Variants in BAG4 observed in about 807,000 individuals in gnomAD.
BAG4 encodes BAG family molecular chaperone regulator 4.
Under a neutral mutation model 52.1 loss-of-function variants are expected in BAG4, and 28 were observed. That is an observed-to-expected ratio of 0.54 (90% confidence interval 0.40 to 0.74). BAG4 has a LOEUF of 0.74. BAG4 is among the 30% of genes least tolerant of loss of function. The pLI, the probability that BAG4 is intolerant of heterozygous loss-of-function variation, is 0.00. For synonymous variants in BAG4, 208 were observed against 217.0 expected (o/e 0.96, Z 0.37); for missense variants, 525 against 572.0 (o/e 0.92, Z 0.84).
intron 1 of BAG4, among the ~76,000 whole-genome samples, chr8:38,183,155 C>A (rs780826154): frequency 1.3e-5 from 2 of 151,626 alleles, no homozygotes; most frequent in Non-Finnish European, 2.9e-5. Context: ...TGCCATTCTC[C>A]CACTTCAGCC....
In BAG4 at chr8:38,176,952, T is replaced by C. The variant is rs1430434762; in HGVS notation, c.83T>C (p.Val28Ala). The C allele has an allele frequency of 4.5e-6, 7 of 1,560,996 alleles. No individual in the cohort carries two copies. The highest frequency in any genetic ancestry group is 6.1e-6 in the Non-Finnish European group (7 of 1,153,046). ...TACTACGGGCCTGGGGGTGGAGATG[T>C]GCCGGTACACCCACCTCCACCCTTA... ...GRYYGPGGGD[V>A]PVHPPPPLYP... The change falls in exon 1 of 5, where the codon GTG (valine) becomes GCG (alanine). Residue 28 changes from valine to alanine, a missense_variant. Physicochemically the swap from Val to Ala is moderately conservative, Grantham distance 64 (BLOSUM62 0). This residue lies in a region of BAG4 where 287 missense variants were observed against 266.1 expected (regional missense o/e 1.08). Coordinates refer to ENST00000287322, the MANE Select transcript of BAG4 (RefSeq NM_004874.4).
At chr8:38,196,383 G>T (rs1393918152) in intron 2 of BAG4, among the ~76,000 whole-genome samples, 2 of 152,184 alleles carry the variant, frequency 1.3e-5, no homozygotes, top group African/African-American at 2.4e-5. Flanking sequence ...GCCGGGCGCG[G>T]TGGCTCACGC....
At chr8:38,179,595 G>C (rs904526557) in intron 1 of BAG4, among the ~76,000 whole-genome samples, 4 of 151,334 alleles carry the variant, frequency 2.6e-5, no homozygotes, top group Admixed American at 2.0e-4. Context: ...GCAAAACCCC[G>C]TCTCTACTAA....
At chr8:38,196,337 A>T (rs1045549535) in intron 2 of BAG4, among the ~76,000 whole-genome samples, 2 of 152,052 alleles carry the variant, frequency 1.3e-5, no homozygotes, top group Admixed American at 1.3e-4. Context: ...CCACATCCTT[A>T]CCAATACTTA....
At chr8:38,193,440 AC>A (rs1803509623) in intron 2 of BAG4, among the ~76,000 whole-genome samples, 1 of 151,794 alleles carries the variant, frequency 6.6e-6, no homozygotes, top group Non-Finnish European at 1.5e-5. Context: ...AAACAAAAAA[AC>A]CCCACGAAAA....
chr8:38,198,410 C>CTT (rs1374104098), intron 2 of BAG4, among the ~76,000 whole-genome samples: 5 of 135,494 alleles, frequency 3.7e-5, no homozygotes, highest in Non-Finnish European at 8.0e-5. Context: ...AGTTTTCTTT[C>CTT]TTTTTTTTTT....
At chr8:38,185,936 G>T (rs1286939478) in intron 1 of BAG4, among the ~76,000 whole-genome samples, 1 of 152,164 alleles carries the variant, frequency 6.6e-6, no homozygotes, top group Non-Finnish European at 1.5e-5. Context: ...TGAACTAAAA[G>T]CTCCTCCATC....
At chr8:38,178,685 C>CGT (rs1383571675) in intron 1 of BAG4, among the ~76,000 whole-genome samples, 1 of 152,214 alleles carries the variant, frequency 6.6e-6, no homozygotes, top group East Asian at 1.9e-4. Flanking sequence ...CATCACACTA[C>CGT]GTGAGCTAAG....
chr8:38,202,254 T>G (rs1803691578), intron 2 of BAG4: 1 of 152,172 alleles, frequency 6.6e-6, no homozygotes, highest in Non-Finnish European at 1.5e-5. Flanking sequence ...CTTAAGTCCT[T>G]CTTTTTCCTT....
At chr8:38,187,586 G>A (rs1204395710) in intron 1 of BAG4, among the ~76,000 whole-genome samples, 1 of 152,050 alleles carries the variant, frequency 6.6e-6, no homozygotes, top group Non-Finnish European at 1.5e-5. Context: ...ATAATGTTGA[G>A]TTTGTAACAT....
chr8:38,207,028 C>G (rs1238013976), intron 2 of BAG4, among the ~76,000 whole-genome samples: 1 of 150,292 alleles, frequency 6.7e-6, no homozygotes, highest in Non-Finnish European at 1.5e-5. Context: ...TCTTGGCTCA[C>G]TGCAACCTCC....
intron 2 of BAG4, chr8:38,201,782 C>T (rs1356931029): frequency 2.3e-5 from 3 of 128,518 alleles, no homozygotes; most frequent in African/African-American, 9.0e-5. Flanking sequence ...TCAAAAGTAG[C>T]TATAATAAGC....
At chr8:38,182,139 G>A (rs866946493) in intron 1 of BAG4, among the ~76,000 whole-genome samples, 19 of 152,240 alleles carry the variant, frequency 1.2e-4, no homozygotes, top group Middle Eastern at 3.4e-3. Flanking sequence ...GGACAACACA[G>A]AGAAGCATTT....
At position 38,207,757 on chromosome 8, in the gene BAG4, G is replaced by A. The variant is rs761001645; in HGVS notation, c.624G>A (p.Pro208=). 92 of 1,613,898 alleles carry A rather than the reference G, an allele frequency of 5.7e-5. No individual in the cohort carries two copies. The East Asian group carries it at 1.4e-3, about 25-fold the overall frequency. ...TTAGGGGGCAGGTTCCAGGATATCC[G>A]CCTTCACAGGTGAGTTGTTTTCTAT... ...PPLRGQVPGY[P]PSQNPGMTLP... Residue 208 remains proline, a synonymous_variant, in exon 3 of 5, where the codon CCG becomes CCA. Coordinates refer to ENST00000287322, the MANE Select transcript of BAG4 (RefSeq NM_004874.4).
At chr8:38,203,776 A>T (rs1304797813) in intron 2 of BAG4, among the ~76,000 whole-genome samples, 1 of 149,642 alleles carries the variant, frequency 6.7e-6, no homozygotes, top group East Asian at 2.0e-4. Context: ...TCTAGGCTGC[A>T]GTGAGCTATG....
chr8:38,204,274 C>T (rs1453643542), intron 2 of BAG4: 3 of 152,230 alleles, frequency 2.0e-5, no homozygotes, highest in African/African-American at 4.8e-5. Context: ...AATCCCAGCA[C>T]TTTGGGAAGC....
chr8:38,177,920 A>G (rs533144505), intron 1 of BAG4, among the ~76,000 whole-genome samples: 42 of 152,118 alleles, frequency 2.8e-4, no homozygotes, highest in Middle Eastern at 6.8e-3. Flanking sequence ...AATTATCCTC[A>G]TTTGTTGAAA....
At chr8:38,201,786 A>T (rs1026881391) in intron 2 of BAG4, 2 of 142,590 alleles carry the variant, frequency 1.4e-5, no homozygotes, top group Admixed American at 7.2e-5. Flanking sequence ...AAGTAGCTAT[A>T]ATAAGCCAAG....
At chr8:38,194,449 C>G (rs2130676384) in intron 2 of BAG4, among the ~76,000 whole-genome samples, 1 of 140,300 alleles carries the variant, frequency 7.1e-6, no homozygotes, top group East Asian at 2.1e-4. Context: ...TAGAGTCTCA[C>G]CCTGTCACCC....
Sources: allele counts gnomAD v4.1 joint callset (sites outside exome capture counted in the v4.1 genomes callset), GRCh38; gene constraint gnomAD v4.1.1; regional missense constraint gnomAD v4.1.1; transcripts MANE v1.5; gene names NCBI Gene and HGNC (gene_info 2026-07-23, HGNC 2026-07-21).